Variants in PCDHA3 observed in about 807,000 individuals in gnomAD.
The protein encoded by PCDHA3 is protocadherin alpha-3.
In PCDHA3, 41 loss-of-function variants were observed where a neutral mutation model predicts 62.2. The observed-to-expected ratio is 0.66, with a 90% confidence interval of 0.51 to 0.86. The LOEUF (loss-of-function observed/expected upper bound fraction) is 0.86, where lower values mean the gene tolerates loss of function less well. Among genes scored for constraint, PCDHA3 ranks in the 40% least tolerant of loss-of-function variants. The pLI, the probability that PCDHA3 is intolerant of heterozygous loss-of-function variation, is 0.00. For missense variants in PCDHA3, 1,304 were observed against 1,241.2 expected (o/e 1.05, Z -0.76); for synonymous variants, 640 against 555.4 (o/e 1.15, Z -2.14).
chr5:140,825,415 A>T (rs1768562356), intron 1 of PCDHA3: 1 of 146,776 alleles, frequency 6.8e-6, no homozygotes. Flanking sequence ...TATTTTATAT[A>T]ATATATATAA....
chr5:140,883,868 C>G lies in PCDHA3; in HGVS notation c.2394+80277C>G, dbSNP rs782022578. ...CGAGGAGCTGGAGCTGTTGCAGTTC[C>G]AGGTGAGCGCGCGCGACTCTGGCGT... On this transcript the variant is annotated intron_variant, in intron 1 of 3. Coordinates refer to ENST00000522353, the MANE Select transcript of PCDHA3 (RefSeq NM_018906.3). 9.9e-6 allele frequency: 16 copies of G among 1,613,048 alleles called. No homozygotes were observed. The Admixed American group carries it at 2.5e-4, about 25-fold the overall frequency.
At chr5:140,913,987 T>C (rs562066581) in intron 1 of PCDHA3, among the ~76,000 whole-genome samples, 5 of 152,318 alleles carry the variant, frequency 3.3e-5, no homozygotes, top group African/African-American at 1.2e-4. Context: ...ACTTGTATTG[T>C]GACTAGCATA....
At chr5:140,929,376 G>C in intron 1 of PCDHA3, 1 of 1,513,958 alleles carries the variant, frequency 6.6e-7, no homozygotes, top group Non-Finnish European at 8.8e-7. Flanking sequence ...ATGGCTGCTA[G>C]CTGTGTTTTG....
intron 1 of PCDHA3, among the ~76,000 whole-genome samples, chr5:140,873,896 G>T (rs111760299): frequency 6.6e-6 from 1 of 152,112 alleles, no homozygotes; most frequent in African/African-American, 2.4e-5. Context: ...CCTGACCTCA[G>T]GTGATCTGCC....
chr5:140,897,947 T>G (rs1276045551), intron 1 of PCDHA3, among the ~76,000 whole-genome samples: 14 of 152,168 alleles, frequency 9.2e-5, no homozygotes, highest in African/African-American at 3.4e-4. Context: ...CAGTGATGAT[T>G]AGCATTTTTT....
At chr5:140,846,705 G>A (rs1780632800) in intron 1 of PCDHA3, among the ~76,000 whole-genome samples, 1 of 149,244 alleles carries the variant, frequency 6.7e-6, no homozygotes, top group Non-Finnish European at 1.5e-5. Context: ...AGAGAAGATT[G>A]TAATAACCAG....
At chr5:140,886,084 G>A (rs1554182347) in intron 1 of PCDHA3, among the ~76,000 whole-genome samples, 1 of 152,140 alleles carries the variant, frequency 6.6e-6, no homozygotes, top group Non-Finnish European at 1.5e-5. Context: ...CCACAACCTG[G>A]ATATTGACAT....
chr5:140,926,323 G>C (rs977416438), intron 1 of PCDHA3: 1 of 152,270 alleles, frequency 6.6e-6, no homozygotes, highest in South Asian at 2.1e-4. Flanking sequence ...GGTGCGCCGG[G>C]GTCAGAGCGC....
intron 1 of PCDHA3, among the ~76,000 whole-genome samples, chr5:140,909,682 A>G (rs1172515528): frequency 1.3e-5 from 2 of 152,132 alleles, no homozygotes; most frequent in Non-Finnish European, 2.9e-5. Flanking sequence ...CAGGGAGCCA[A>G]TGTGGGGGTT....
chr5:140,808,667 C>T, intron 1 of PCDHA3: 1 of 1,612,956 alleles, frequency 6.2e-7, no homozygotes, highest in Non-Finnish European at 8.5e-7. Flanking sequence ...GTCCTACTCG[C>T]TGGTAGAGCG....
Position 140,827,381 on chromosome 5 carries a change from C to T in PCDHA3, c.2394+23790C>T, listed in dbSNP as rs2150147309. Reference sequence around the variant, plus strand: ...TTTTAAGCAAGAATCCTAATATAAGCTGCAGATAAATTAAATGTGATAAAG... The same window carrying T: ...TTTTAAGCAAGAATCCTAATATAAGTTGCAGATAAATTAAATGTGATAAAG... On this transcript the variant is annotated intron_variant, in intron 1 of 3. Transcript: ENST00000522353. Among the ~76,000 whole-genome samples, 177 of 152,258 alleles carry T rather than the reference C, an allele frequency of 1.2e-3. 1 individual carries two copies. The highest frequency in any genetic ancestry group is 1.7e-3 in the Non-Finnish European group (116 of 67,994).
intron 1 of PCDHA3, chr5:140,884,243 C>A: frequency 6.2e-7 from 1 of 1,613,466 alleles, no homozygotes; most frequent in Non-Finnish European, 8.5e-7. Flanking sequence ...TGAGCCCGCG[C>A]TGACGGCCAC....
chr5:140,841,810 A>G (rs782078620), intron 1 of PCDHA3: 2 of 1,613,740 alleles, frequency 1.2e-6, no homozygotes. Context: ...CAGATGTTGG[A>G]GCTAACTCCG....
At chr5:140,941,987 G>A (rs1315027422) in intron 1 of PCDHA3, among the ~76,000 whole-genome samples, 1 of 152,104 alleles carries the variant, frequency 6.6e-6, no homozygotes, top group Non-Finnish European at 1.5e-5. Flanking sequence ...ACCTTGATAA[G>A]GGATTCATAT....
At chr5:140,870,619 T>C in intron 1 of PCDHA3, 1 of 1,613,150 alleles carries the variant, frequency 6.2e-7, no homozygotes, top group Middle Eastern at 1.7e-4. Flanking sequence ...GCTGTCGAGC[T>C]ACGTGTCGGT....
At chr5:140,910,907 G>T (rs1554194477) in intron 1 of PCDHA3, among the ~76,000 whole-genome samples, 3 of 152,102 alleles carry the variant, frequency 2.0e-5, no homozygotes, top group Admixed American at 2.0e-4. Flanking sequence ...CTGTCCTCCA[G>T]ATTTTTGCTT....
chr5:140,992,017 C>CTGTGTGTG (rs10602499), intron 3 of PCDHA3, among the ~76,000 whole-genome samples: 149 of 145,626 alleles, frequency 1.0e-3, no homozygotes, highest in African/African-American at 2.4e-3. Flanking sequence ...AGAGGTGGCT[C>CTGTGTGTG]TGTGTGTGTG....
chr5:140,973,586 C>A (rs1207651483), intron 1 of PCDHA3, among the ~76,000 whole-genome samples: 1 of 152,176 alleles, frequency 6.6e-6, no homozygotes, highest in Non-Finnish European at 1.5e-5. Flanking sequence ...GACTGCTGAG[C>A]CAGATGGAAT....
rs1486242200 is a variant in PCDHA3, at chr5:140,900,929, A to G, written c.2395-78020A>G. ...CTGTGGTAAGATGATATCTCATTGT[A>G]GTTTTGATTTGCATTTCTCTGATTA... On this transcript the variant is annotated intron_variant, in intron 1 of 3. Coordinates refer to ENST00000522353, the MANE Select transcript of PCDHA3 (RefSeq NM_018906.3). Among the ~76,000 whole-genome samples, 8 of 152,104 alleles carry G rather than the reference A, an allele frequency of 5.3e-5. No individual in the cohort carries two copies. The East Asian group carries it at 1.5e-3, about 29-fold the overall frequency.
Sources: allele counts gnomAD v4.1 joint callset (sites outside exome capture counted in the v4.1 genomes callset), GRCh38; gene constraint gnomAD v4.1.1; transcripts MANE v1.5; gene names NCBI Gene and HGNC (gene_info 2026-07-23, HGNC 2026-07-21).